LRRC36: variants seen among roughly 807,000 people sequenced by gnomAD.
The protein encoded by LRRC36 is leucine-rich repeat-containing protein 36.
LRRC36 carries 62 observed loss-of-function variants against 81.1 expected under a neutral mutation model. The observed-to-expected ratio is 0.76, with a 90% CI of 0.62 to 0.94. LRRC36 has a LOEUF of 0.94. Among genes scored for constraint, LRRC36 ranks in the 40% least tolerant of loss-of-function variants. The pLI is 0.00. For missense variants in LRRC36, 761 were observed against 881.7 expected (o/e 0.86, Z 1.73); for synonymous variants, 334 against 348.6 (o/e 0.96, Z 0.47).
intron 5 of LRRC36, among the ~76,000 whole-genome samples, chr16:67,356,939 T>G (rs747452513): frequency 6.6e-6 from 1 of 152,204 alleles, no homozygotes; most frequent in Non-Finnish European, 1.5e-5. Context: ...TCTTTACTAA[T>G]TATGTTCATT....
intron 8 of LRRC36, 135 bp from the exon 9 acceptor site, chr16:67,370,809 A>T: frequency 1.4e-6 from 1 of 694,382 alleles, no homozygotes; most frequent in African/African-American, 1.8e-5. Flanking sequence ...CCAGAGTTGG[A>T]GTTTTGTCAG....
intron 3 of LRRC36, 36 bp downstream of exon 3, chr16:67,346,484 C>A: frequency 7.0e-7 from 1 of 1,426,444 alleles, no homozygotes; most frequent in Non-Finnish European, 9.6e-7. Flanking sequence ...TCCACAGAAT[C>A]TTACTTTAAA....
At chr16:67,336,723 G>A (rs1173714172) in intron 1 of LRRC36, 5 of 151,458 alleles carry the variant, frequency 3.3e-5, no homozygotes, top group Non-Finnish European at 7.4e-5. Flanking sequence ...CAGTAACTGA[G>A]ACTACAGGTA....
chr16:67,365,112 C>T (rs2039323296), intron 6 of LRRC36, 192 bp from the exon 7 acceptor site: 1 of 536,812 alleles, frequency 1.9e-6, no homozygotes, highest in Non-Finnish European at 3.3e-6. Context: ...ATTCAAGCAA[C>T]TCTGGAATCT....
chr16:67,365,906 T>C (rs1224094005), intron 7 of LRRC36, among the ~76,000 whole-genome samples: 1 of 151,842 alleles, frequency 6.6e-6, no homozygotes, highest in African/African-American at 2.4e-5. Context: ...GATTTAAATC[T>C]ATCCATTAAT....
chr16:67,347,346 C>G, intron 3 of LRRC36, 149 bp from the exon 4 acceptor site: 4 of 1,439,104 alleles, frequency 2.8e-6, no homozygotes, highest in Non-Finnish European at 3.7e-6. Context: ...CCAGTGACAA[C>G]ATAATAGCAT....
Position 67,367,367 on chromosome 16 carries a change from A to C in LRRC36, c.1105A>C (p.Lys369Gln). The C allele has an allele frequency of 6.2e-7, 1 of 1,614,136 alleles. No homozygotes were observed. The highest frequency in any genetic ancestry group is 8.5e-7 in the Non-Finnish European group (1 of 1,179,994). Residue 369 changes from lysine to glutamine, a missense_variant, in exon 8 of 14, where the codon AAG (lysine) becomes CAG (glutamine). Physicochemically the swap from Lys to Gln is moderately conservative, Grantham distance 53. Coordinates refer to ENST00000329956, the MANE Select transcript of LRRC36 (RefSeq NM_018296.6). ...EYSIKPSNDIKTTASHSCGDL... is the reference protein window; with the variant it reads ...EYSIKPSNDIQTTASHSCGDL... ...TAGCATAAAGCCTTCAAATGACATAAAGACCACCGCTTCACATTCCTGTGG... is the reference window on the plus strand; with the variant it reads ...TAGCATAAAGCCTTCAAATGACATACAGACCACCGCTTCACATTCCTGTGG...
chr16:67,343,692 CAA>C (rs533517669), intron 2 of LRRC36, among the ~76,000 whole-genome samples: 2 of 108,258 alleles, frequency 1.8e-5, no homozygotes, highest in Non-Finnish European at 2.0e-5. Context: ...GAGACCATCT[CAA>C]AAAAAAAAAA....
At chr16:67,361,459 T>TA (rs962378431) in intron 5 of LRRC36, among the ~76,000 whole-genome samples, 13 of 152,168 alleles carry the variant, frequency 8.5e-5, no homozygotes, top group African/African-American at 3.1e-4. Context: ...AAAATATTGG[T>TA]AAAAAAATAA....
intron 6 of LRRC36, 129 bp from the exon 7 acceptor site, chr16:67,365,175 G>A (rs1281018421): frequency 1.1e-5 from 7 of 616,824 alleles, no homozygotes; most frequent in Middle Eastern, 2.5e-4. Flanking sequence ...TTGCTTAAAG[G>A]TCTGTTTCCC....
chr16:67,359,337 T>C (rs1281393239), intron 5 of LRRC36, among the ~76,000 whole-genome samples: 1 of 152,214 alleles, frequency 6.6e-6, no homozygotes, highest in African/African-American at 2.4e-5. Context: ...TGCTATAACA[T>C]GTATTTTGAA....
chr16:67,340,595 G>A (rs2037986269), intron 1 of LRRC36, among the ~76,000 whole-genome samples: 1 of 152,018 alleles, frequency 6.6e-6, no homozygotes, highest in Non-Finnish European at 1.5e-5. Context: ...GGTGGAGGTT[G>A]CAGTGAGCTG....
chr16:67,376,388 A>T (rs1377330907), intron 10 of LRRC36, among the ~76,000 whole-genome samples: 2 of 152,214 alleles, frequency 1.3e-5, no homozygotes, highest in Non-Finnish European at 2.9e-5. Flanking sequence ...TTTTTAAAAA[A>T]TATCTAAAGG....
intron 1 of LRRC36, among the ~76,000 whole-genome samples, chr16:67,327,215 C>T (rs1004027655): frequency 1.3e-5 from 2 of 151,952 alleles, no homozygotes; most frequent in Non-Finnish European, 2.9e-5. Flanking sequence ...GGGGACCCTG[C>T]CGCAGGTGAC....
In LRRC36 at chr16:67,382,145, A is replaced by G. The variant is rs772526495; in HGVS notation, c.1943A>G (p.His648Arg). Residue 648 changes from histidine (H) to arginine (R), a missense_variant, in exon 13 of 14, where the codon CAC becomes CGC. His to Arg is a conservative substitution (Grantham distance 29). This residue lies in a region of LRRC36 where 359 missense variants were observed against 388.4 expected (regional missense o/e 0.92). Coordinates refer to ENST00000329956, the MANE Select transcript of LRRC36 (RefSeq NM_018296.6). The part of the protein sequence containing the change: ...QQSHTYDDLL[H>R]KNQQLTMQVA... The stretch of plus-strand genomic sequence containing the variant: ...GTGCCCTTTGTAGATGATCTTCTGC[A>G]CAAAAACCAACAGCTGACCATGCAG... 2.7e-5 allele frequency: 44 copies of G among 1,613,722 alleles called. No individual in the cohort carries two copies. In the South Asian group the frequency reaches 4.4e-4, roughly 16 times the overall value.
At chr16:67,329,404 C>T (rs944915929) in intron 1 of LRRC36, among the ~76,000 whole-genome samples, 1 of 152,010 alleles carries the variant, frequency 6.6e-6, no homozygotes, top group African/African-American at 2.4e-5. Context: ...AATTCTCCTG[C>T]CTCAGCTTCC....
At chr16:67,351,946 C>A (rs7192871) in intron 5 of LRRC36, among the ~76,000 whole-genome samples, 85 of 152,196 alleles carry the variant, frequency 5.6e-4, no homozygotes, top group African/African-American at 2.0e-3. Flanking sequence ...GGTATACCAC[C>A]TTTGGTATAC....
At position 67,375,399 on chromosome 16, in the gene LRRC36, C is replaced by G; in HGVS notation, c.1647C>G (p.Asn549Lys). The G allele has an allele frequency of 4.4e-6, 7 of 1,582,174 alleles. No individual in the cohort carries two copies. Among genetic ancestry groups the G allele is most frequent in the Non-Finnish European group, 6.0e-6 (7 of 1,170,848 alleles). ...HWNGSGSLLL[N>K]KKFLGPARDL... ...ATGGCTCCGGCTCCCTCCTCCTCAACAAGAAGTTTCTCGGTGAGTGAATGC... is the reference window on the plus strand; with the variant it reads ...ATGGCTCCGGCTCCCTCCTCCTCAAGAAGAAGTTTCTCGGTGAGTGAATGC... Residue 549 changes from asparagine (N) to lysine (K), a missense_variant, in exon 10 of 14, where the codon AAC becomes AAG. Asn to Lys is a moderately conservative substitution (Grantham distance 94). Transcript: ENST00000329956.
chr16:67,383,830 T>G (rs1017927207), intron 13 of LRRC36, among the ~76,000 whole-genome samples: 21 of 152,374 alleles, frequency 1.4e-4, no homozygotes, highest in Admixed American at 5.9e-4. Context: ...TGTCCTTTCC[T>G]TCCCTCCCAC....
Sources: gnomAD v4.1 joint callset for allele counts (sites outside exome capture counted in the v4.1 genomes callset) on GRCh38, gnomAD v4.1.1 for gene constraint, gnomAD v4.1.1 regional missense constraint, MANE v1.5 for transcripts, NCBI Gene and HGNC (gene_info 2026-07-23, HGNC 2026-07-21) for gene names.